CACNA1B: variants seen among roughly 807,000 people sequenced by gnomAD.
CACNA1B encodes calcium voltage-gated channel subunit alpha1 B.
A neutral mutation model predicts 247.2 loss-of-function variants in CACNA1B; 70 were observed. The ratio of observed to expected loss-of-function variants is 0.28; its 90% CI spans 0.23 to 0.35. The LOEUF is 0.35. Among genes scored for constraint, CACNA1B ranks in the 10% least tolerant of loss-of-function variants. CACNA1B has a pLI of 1.00. For synonymous variants in CACNA1B, 1,231 were observed against 1,294.4 expected (o/e 0.95, Z 1.05); for missense variants, 2,367 against 3,197.4 (o/e 0.74, Z 6.26).
In CACNA1B at chr9:137,973,275, G is replaced by A. The variant is rs567466948; in HGVS notation, c.1543+1683G>A. On this transcript the variant is annotated intron_variant, in intron 11 of 46. Coordinates refer to ENST00000371372, the MANE Select transcript of CACNA1B (RefSeq NM_000718.4). This position sits in a 1 kb window ranked among gnomAD's most constrained non-coding sequence, Gnocchi z 4.1. The stretch of plus-strand genomic sequence containing the variant: ...TGTGTCACTGAGGGAAAAATGGCTG[G>A]AGGGAAATGTGGGCAGTGTCCCTGA... 5.3e-5 allele frequency among the ~76,000 whole-genome samples: 8 copies of A among 152,312 alleles called. No homozygotes were observed. In the East Asian group the frequency reaches 1.5e-3, roughly 29 times the overall value.
chr9:137,881,111 A>G lies in CACNA1B; in HGVS notation c.391-1633A>G, dbSNP rs1187087675. Among the ~76,000 whole-genome samples, 2 of 151,986 alleles carry G rather than the reference A, an allele frequency of 1.3e-5. No individual in the cohort carries two copies. The highest frequency in any genetic ancestry group is 2.9e-5 in the Non-Finnish European group (2 of 67,992). ...AGGCGTCGGGCCTGTTCTCTTTTTC[A>G]CCAGGAAGTTTCCTGTGAAGATCTC... is the stretch of plus-strand genomic sequence containing the variant. On this transcript the variant is annotated intron_variant, in intron 2 of 46. Coordinates refer to ENST00000371372, the MANE Select transcript of CACNA1B (RefSeq NM_000718.4). The surrounding 1 kb of genome is among the most constrained non-coding windows in gnomAD (Gnocchi z 4.3).
Position 138,058,501 on chromosome 9 carries a change from G to A in CACNA1B, c.4309-68G>A, listed in dbSNP as rs1959596551. On this transcript the variant is annotated intron_variant, in intron 28 of 46. Coordinates refer to ENST00000371372, the MANE Select transcript of CACNA1B (RefSeq NM_000718.4). The surrounding 1 kb of genome is among the most constrained non-coding windows in gnomAD (Gnocchi z 4.7). ...CTGTGAGGCCTGGCGAGACAGGGCT[G>A]GGTGCAGTAGATGCCGTCGGGTAGG... The A allele has an allele frequency of 1.4e-6, 2 of 1,403,732 alleles. No individual in the cohort carries two copies. The highest frequency in any genetic ancestry group is 9.8e-7 in the Non-Finnish European group (1 of 1,020,604). 87.0% of individuals were successfully genotyped at this position (1,403,732 alleles called of 1,614,324 possible).
At chr9:137,889,259 C>T (rs1329424600) in intron 3 of CACNA1B, among the ~76,000 whole-genome samples, 2 of 150,314 alleles carry the variant, frequency 1.3e-5, no homozygotes, top group Middle Eastern at 3.2e-3. Flanking sequence ...GCCTGGGGTC[C>T]TTGGACTGCA....
chr9:137,926,891 T>C (rs1458241497), intron 6 of CACNA1B, among the ~76,000 whole-genome samples: 3 of 152,226 alleles, frequency 2.0e-5, no homozygotes, highest in Non-Finnish European at 2.9e-5. Context: ...TCTGTTGTTT[T>C]GGTTGTTGTT....
Position 137,966,966 on chromosome 9 carries a change from CT to C in CACNA1B, c.1334-4405del, listed in dbSNP as rs1479485068. Among the ~76,000 whole-genome samples the C allele has an allele frequency of 3.7e-3, 465 of 126,096 alleles. 3 individuals carry two copies. The East Asian group carries it at 0.04, about 11-fold the overall frequency. The allele number at this position is 126,096 out of a possible 152,430, so 82.7% of individuals were successfully genotyped here. ...CACCATGCCTGGCTTGGTGGTTTTG[CT>C]TTTTTTTTTTTAAAAAAAAAACCCA... On this transcript the variant is annotated intron_variant, in intron 10 of 46. Transcript: ENST00000371372.
Position 137,913,308 on chromosome 9 carries a change from G to A in CACNA1B, c.622+37G>A, listed in dbSNP as rs774618707. The A allele has an allele frequency of 2.7e-6, 4 of 1,488,070 alleles. No individual in the cohort carries two copies. The highest frequency in any genetic ancestry group is 1.9e-6 in the Non-Finnish European group (2 of 1,066,348). 92.2% of individuals were successfully genotyped at this position (1,488,070 alleles called of 1,614,324 possible). A position where few individuals can be genotyped will look rare whatever the true frequency, so the allele number is the denominator to read the frequency against. ...GAAGACAGGCCCAAGCCGGCTTGGA[G>A]TAACAACCTCCTCTCCTACCCTCAC... On this transcript the variant is annotated intron_variant, in intron 4 of 46. Transcript: ENST00000371372. The surrounding 1 kb of genome is among the most constrained non-coding windows in gnomAD (Gnocchi z 5.2).
Position 138,096,542 on chromosome 9 carries a change from C to T in CACNA1B, c.5153C>T (p.Ser1718Phe). ...MDNFEYLTRD[S>F]SILGPHHLDE... ...AATTTTGAGTACCTCACGCGGGACTCTTCCATCCTAGGTCCTCACCACTTG... is the reference window on the plus strand; with the variant it reads ...AATTTTGAGTACCTCACGCGGGACTTTTCCATCCTAGGTCCTCACCACTTG... Residue 1718 changes from serine (S) to phenylalanine (F), a missense_variant, in exon 37 of 47, where the codon TCT (serine) becomes TTT (phenylalanine). This residue lies in a region of CACNA1B where 55 missense variants were observed against 107.8 expected (regional missense o/e 0.51). Transcript: ENST00000371372. 6.2e-7 allele frequency: 1 copy of T among 1,613,038 alleles called. No individual in the cohort carries two copies. The highest frequency in any genetic ancestry group is 1.1e-5 in the South Asian group (1 of 90,992).
chr9:137,896,876 C>T (rs1304595444), intron 3 of CACNA1B, among the ~76,000 whole-genome samples: 1 of 152,180 alleles, frequency 6.6e-6, no homozygotes, highest in Non-Finnish European at 1.5e-5. Context: ...GGAAGTGGTC[C>T]ATTTAGTCCA....
intron 39 of CACNA1B, among the ~76,000 whole-genome samples, chr9:138,106,159 T>C (rs1452554449): frequency 6.6e-6 from 1 of 152,174 alleles, no homozygotes; most frequent in Non-Finnish European, 1.5e-5. Flanking sequence ...TGCATGCCCT[T>C]GGCCCCCTCC....
Position 137,908,430 on chromosome 9 carries a change from C to T in CACNA1B, c.531-4750C>T, listed in dbSNP as rs1167395449. Among the ~76,000 whole-genome samples the T allele has an allele frequency of 4.0e-5, 6 of 151,554 alleles. 1 individual carries two copies. In the South Asian group the frequency reaches 6.3e-4, roughly 16 times the overall value. On this transcript the variant is annotated intron_variant, in intron 3 of 46. Transcript: ENST00000371372. The stretch of plus-strand genomic sequence containing the variant: ...ACTCGGGAGGCTGAGGCAGGAGAAT[C>T]GCTTGAACCCAGGAGGCGGAGGTTA...
chr9:137,890,120 G>A (rs1256362009), intron 3 of CACNA1B: 1 of 149,696 alleles, frequency 6.7e-6, no homozygotes, highest in African/African-American at 2.4e-5. Flanking sequence ...GCTGCCTGAG[G>A]AGCCCAAATC....
chr9:137,897,453 G>A (rs753045033), intron 3 of CACNA1B, among the ~76,000 whole-genome samples: 4 of 151,954 alleles, frequency 2.6e-5, no homozygotes, highest in Non-Finnish European at 4.4e-5. Context: ...GGTGACGGGC[G>A]CCTGTACTCC....
At position 138,059,300 on chromosome 9, in the gene CACNA1B, C is replaced by T. The variant is rs1248216515; in HGVS notation, c.4584+111C>T. The T allele has an allele frequency of 1.5e-6, 1 of 688,342 alleles. No homozygotes were observed. The highest frequency in any genetic ancestry group is 2.7e-6 in the Non-Finnish European group (1 of 373,496). The allele number at this position is 688,342 out of a possible 1,614,324, so 42.6% of individuals were successfully genotyped here. On this transcript the variant is annotated intron_variant, in intron 30 of 46. Coordinates refer to ENST00000371372, the MANE Select transcript of CACNA1B (RefSeq NM_000718.4). The surrounding 1 kb of genome is among the most constrained non-coding windows in gnomAD (Gnocchi z 4.2). ...TGGAGCTGGGAATTCTCCGAGTACC[C>T]AGAGTATATGTAATGCTACAGGGGC...
chr9:138,114,140 CAGG>C (rs1961770531), intron 40 of CACNA1B, among the ~76,000 whole-genome samples: 1 of 152,164 alleles, frequency 6.6e-6, no homozygotes, highest in Non-Finnish European at 1.5e-5. Flanking sequence ...TGAGAGGCCT[CAGG>C]AGGAGTCAGG....
At chr9:138,115,409 G>T in intron 41 of CACNA1B, 143 bp from the exon 42 acceptor site, 1 of 784,670 alleles carries the variant, frequency 1.3e-6, no homozygotes, top group South Asian at 2.0e-5. Context: ...AAAGTAAGCG[G>T]CCCCTTGCTA....
chr9:137,966,760 G>A (rs887313929), intron 10 of CACNA1B, among the ~76,000 whole-genome samples: 5 of 151,830 alleles, frequency 3.3e-5, no homozygotes, highest in Non-Finnish European at 2.9e-5. Flanking sequence ...GGACAGTCTC[G>A]ATCTCCTGAC....
At chr9:137,949,118 TCC>T (rs1957839434) in intron 6 of CACNA1B, among the ~76,000 whole-genome samples, 4 of 570 alleles carry the variant, frequency 7.0e-3, no homozygotes, top group South Asian at 0.062. Context: ...TGGCTGTGTG[TCC>T]AGTGTGTGTG....
rs1962125673 is a variant in CACNA1B at position 138,122,151 on chromosome 9, T to G, written c.*152T>G. ...CCCTCCCTCCCCCTCCTCCCCTCTT[T>G]TACTCTAGACGACGAATAAAGCCCT... is the stretch of plus-strand genomic sequence containing the variant. On this transcript the variant is annotated 3_prime_UTR_variant, in exon 47 of 47. Coordinates refer to ENST00000371372, the MANE Select transcript of CACNA1B (RefSeq NM_000718.4). The G allele has an allele frequency of 3.1e-6, 2 of 651,598 alleles. No homozygotes were observed. Among genetic ancestry groups the G allele is most frequent in the South Asian group, 1.9e-5 (1 of 51,646 alleles). The allele number at this position is 651,598 out of a possible 1,614,324, so 40.4% of individuals were successfully genotyped here.
At chr9:137,927,026 T>A (rs1220397446) in intron 6 of CACNA1B, among the ~76,000 whole-genome samples, 1 of 152,206 alleles carries the variant, frequency 6.6e-6, no homozygotes, top group Non-Finnish European at 1.5e-5. Context: ...CACAACATTT[T>A]AAAATTTTCA....
Sources: allele counts gnomAD v4.1 joint callset (sites outside exome capture counted in the v4.1 genomes callset), GRCh38; gene constraint gnomAD v4.1.1; regional missense constraint gnomAD v4.1.1; non-coding constraint Gnocchi (gnomAD v3.1); transcripts MANE v1.5; gene names NCBI Gene and HGNC (gene_info 2026-07-23, HGNC 2026-07-21).